KLF12: variants seen among roughly 807,000 people sequenced by gnomAD.
KLF12 encodes the protein Krueppel-like factor 12.
Under a neutral mutation model 37.8 loss-of-function variants are expected in KLF12, and 9 were observed. The ratio of observed to expected loss-of-function variants is 0.24; its 90% CI spans 0.14 to 0.42. KLF12 has a LOEUF of 0.42. KLF12 is among the 10% of genes least tolerant of loss of function. KLF12 has a pLI of 1.00. For synonymous variants in KLF12, 208 were observed against 202.1 expected, an observed-to-expected ratio of 1.03 and a Z score of -0.25; for missense variants, 411 against 516.0, an observed-to-expected ratio of 0.80 and a Z score of 1.97.
chr13:73,739,521 T>C (rs1172975522), intron 6 of KLF12, among the ~76,000 whole-genome samples: 1 of 152,072 alleles, frequency 6.6e-6, no homozygotes, highest in East Asian at 1.9e-4. Flanking sequence ...AGTGAAGGCA[T>C]AAAATCAATA....
At chr13:74,210,469 G>A in the KLF12 span, among the ~76,000 whole-genome samples, 2 of 152,116 alleles carry the variant, frequency 1.3e-5, no homozygotes, top group Non-Finnish European at 2.9e-5. Context: ...TAAGTCACTG[G>A]TTTATTAATC....
intron 1 of KLF12, among the ~76,000 whole-genome samples, chr13:74,126,824 T>A (rs1443370664): frequency 6.6e-6 from 1 of 152,182 alleles, no homozygotes; most frequent in African/African-American, 2.4e-5. Flanking sequence ...ACGTATAGTA[T>A]TCCATGTGCC....
chr13:74,175,824 C>T, the KLF12 span, among the ~76,000 whole-genome samples: 28 of 152,186 alleles, frequency 1.8e-4, no homozygotes, highest in Non-Finnish European at 3.7e-4. Context: ...AAGCACTTGT[C>T]CCAGTGGTTC....
chr13:74,065,599 T>C (rs1485541157), intron 1 of KLF12, among the ~76,000 whole-genome samples: 3 of 152,180 alleles, frequency 2.0e-5, no homozygotes, highest in African/African-American at 4.8e-5. Context: ...TTTTCTGTAA[T>C]ATGGGATAGA....
At chr13:73,786,877 A>T (rs1193216463) in intron 5 of KLF12, among the ~76,000 whole-genome samples, 1 of 151,846 alleles carries the variant, frequency 6.6e-6, no homozygotes, top group African/African-American at 2.4e-5. Flanking sequence ...GTGAGCTCTG[A>T]TCACACCGCT....
At chr13:74,086,364 C>T (rs1332806103) in intron 1 of KLF12, among the ~76,000 whole-genome samples, 4 of 148,376 alleles carry the variant, frequency 2.7e-5, no homozygotes, top group Non-Finnish European at 4.4e-5. Flanking sequence ...TGAGAACATG[C>T]GGTGTTTGGT....
Position 74,095,468 on chromosome 13 carries a change from A to G in KLF12, c.-32+38271T>C, listed in dbSNP as rs147975646. ...CAGTGGTGTGATAATAGCTCACTGC[A>G]GCCTCAAACTCCTGGGCTCAAGCGA... On this transcript the variant is annotated intron_variant, in intron 1 of 7. Transcript: ENST00000377669. 4.7e-3 allele frequency among the ~76,000 whole-genome samples: 719 copies of G among 152,030 alleles called. 7 individuals carry two copies. Among genetic ancestry groups the G allele is most frequent in the African/African-American group, 0.017 (701 of 41,476 alleles).
the KLF12 span, among the ~76,000 whole-genome samples, chr13:74,141,796 G>A: frequency 6.6e-6 from 1 of 152,132 alleles, no homozygotes; most frequent in African/African-American, 2.4e-5. Context: ...ATGAGTTCCT[G>A]GAGACCAAAC....
At chr13:74,009,392 C>T (rs1034652417) in intron 1 of KLF12, among the ~76,000 whole-genome samples, 3 of 152,164 alleles carry the variant, frequency 2.0e-5, no homozygotes, top group Admixed American at 1.3e-4. Context: ...GGATAGTAAC[C>T]TCCACTTACA....
chr13:74,297,159 T>C, the KLF12 span, among the ~76,000 whole-genome samples: 1 of 152,168 alleles, frequency 6.6e-6, no homozygotes, highest in Non-Finnish European at 1.5e-5. Context: ...TCTGTATTTA[T>C]TGAACCTATT....
the KLF12 span, among the ~76,000 whole-genome samples, chr13:74,150,185 G>A: frequency 5.9e-5 from 9 of 152,034 alleles, no homozygotes; most frequent in African/African-American, 2.2e-4. Context: ...TAGAAATACA[G>A]TTGATGCTCA....
At chr13:73,947,090 G>A (rs1890459077) in intron 2 of KLF12, among the ~76,000 whole-genome samples, 2 of 152,312 alleles carry the variant, frequency 1.3e-5, no homozygotes, top group African/African-American at 2.4e-5. Flanking sequence ...CACATTTGCT[G>A]TGGAATCAAT....
chr13:73,970,414 G>T (rs1033621224), intron 2 of KLF12, among the ~76,000 whole-genome samples: 2 of 151,546 alleles, frequency 1.3e-5, no homozygotes, highest in African/African-American at 4.9e-5. Context: ...CTCCAGTTCA[G>T]ATGTACTGTC....
At chr13:73,836,689 AG>A (rs1474522048) in intron 4 of KLF12, among the ~76,000 whole-genome samples, 1 of 152,186 alleles carries the variant, frequency 6.6e-6, no homozygotes, top group Non-Finnish European at 1.5e-5. Context: ...AGAAAAAATT[AG>A]TTTTTTTTAA....
rs552388145 is a variant in KLF12, at chr13:73,726,829, G to A, written c.870-11304C>T. ...TAAGAGTAGAATTATTAGGTCATAC[G>A]ATAATTCTATGCTTAGCATTTTAAG... On this transcript the variant is annotated intron_variant, in intron 6 of 7. Coordinates refer to ENST00000377669, the MANE Select transcript of KLF12 (RefSeq NM_007249.5). 6.8e-4 allele frequency among the ~76,000 whole-genome samples: 104 copies of A among 152,308 alleles called. 1 individual carries two copies. The highest frequency in any genetic ancestry group is 2.4e-3 in the African/African-American group (98 of 41,576).
At chr13:74,303,039 C>T in the KLF12 span, among the ~76,000 whole-genome samples, 1 of 152,074 alleles carries the variant, frequency 6.6e-6, no homozygotes, top group Admixed American at 6.6e-5. Context: ...GAAAATGACG[C>T]CAAGTGGTAT....
chr13:73,743,604 A>C (rs756498745), intron 6 of KLF12, among the ~76,000 whole-genome samples: 1 of 152,166 alleles, frequency 6.6e-6, no homozygotes, highest in African/African-American at 2.4e-5. Flanking sequence ...TTACAAGGAA[A>C]CTTCTTTCAA....
At chr13:74,294,681 T>A in the KLF12 span, among the ~76,000 whole-genome samples, 1 of 152,076 alleles carries the variant, frequency 6.6e-6, no homozygotes, top group Non-Finnish European at 1.5e-5. Flanking sequence ...CCACATGCAT[T>A]CTCTTGTAAC....
At chr13:74,243,739 C>T in the KLF12 span, among the ~76,000 whole-genome samples, 1 of 152,056 alleles carries the variant, frequency 6.6e-6, no homozygotes, top group Non-Finnish European at 1.5e-5. Flanking sequence ...TGTTTGTTGG[C>T]CATGAGAGGA....
Sources: allele counts gnomAD v4.1 joint callset (sites outside exome capture counted in the v4.1 genomes callset), GRCh38; gene constraint gnomAD v4.1.1; transcripts MANE v1.5; gene names NCBI Gene and HGNC (gene_info 2026-07-23, HGNC 2026-07-21).